Variants in CAAP1 observed in about 807,000 individuals in gnomAD.
CAAP1 encodes conserved anti-apoptotic protein.
A neutral mutation model predicts 34.0 loss-of-function variants in CAAP1; 20 were observed. That is an observed-to-expected ratio of 0.59 (90% confidence interval 0.41 to 0.86). The LOEUF is 0.86. CAAP1 is among the 40% of genes least tolerant of loss of function. CAAP1 has a pLI of 0.00. For missense variants in CAAP1, 538 were observed against 450.5 expected (o/e 1.19, Z -1.76); for synonymous variants, 213 against 166.7 (o/e 1.28, Z -2.14).
At chr9:26,849,986 C>T (rs1822707401) in intron 5 of CAAP1, among the ~76,000 whole-genome samples, 1 of 151,966 alleles carries the variant, frequency 6.6e-6, no homozygotes, top group African/African-American at 2.4e-5. Flanking sequence ...CTACAGACAC[C>T]CGCCACCAAA....
Position 26,887,307 on chromosome 9 carries a change from A to T in CAAP1, c.504+6T>A. ...TATGTATCTAGTCTGATGTGTAATG[A>T]AGTACCTTTAACACATCAGGAAGCA... On this transcript the variant is annotated splice_donor_region_variant and intron_variant, in intron 2 of 5. Coordinates refer to ENST00000333916, the MANE Select transcript of CAAP1 (RefSeq NM_024828.4). The T allele has an allele frequency of 6.5e-7, 1 of 1,544,066 alleles. No homozygotes were observed. Among genetic ancestry groups the T allele is most frequent in the Non-Finnish European group, 8.8e-7 (1 of 1,135,682 alleles).
At chr9:26,869,323 T>C (rs563691623) in intron 4 of CAAP1, among the ~76,000 whole-genome samples, 1 of 152,292 alleles carries the variant, frequency 6.6e-6, no homozygotes, top group South Asian at 2.1e-4. Context: ...AAGTAAAATA[T>C]GTAAATCTGA....
At chr9:26,845,899 T>C (rs1822589048) in intron 5 of CAAP1, among the ~76,000 whole-genome samples, 1 of 152,208 alleles carries the variant, frequency 6.6e-6, no homozygotes, top group South Asian at 2.1e-4. Context: ...GGTAGCTGGT[T>C]TGGTTTTTTT....
chr9:26,863,811 T>C (rs954741138), intron 4 of CAAP1, among the ~76,000 whole-genome samples: 2 of 151,554 alleles, frequency 1.3e-5, no homozygotes, highest in African/African-American at 4.9e-5. Context: ...TTTTCTTTTT[T>C]GAGACAGGTT....
At chr9:26,862,468 G>C (rs1171929814) in intron 4 of CAAP1, among the ~76,000 whole-genome samples, 1 of 151,658 alleles carries the variant, frequency 6.6e-6, no homozygotes, top group Non-Finnish European at 1.5e-5. Flanking sequence ...AGAGGAGGAT[G>C]GATATATGTA....
chr9:26,888,895 T>C (rs1326191416), intron 1 of CAAP1, among the ~76,000 whole-genome samples: 1 of 152,254 alleles, frequency 6.6e-6, no homozygotes, highest in Non-Finnish European at 1.5e-5. Flanking sequence ...GCGTTATCTA[T>C]ACGTATGTGG....
chr9:26,867,242 T>C (rs1265647570), intron 4 of CAAP1, among the ~76,000 whole-genome samples: 1 of 152,156 alleles, frequency 6.6e-6, no homozygotes, highest in African/African-American at 2.4e-5. Flanking sequence ...GAAGACACTG[T>C]TTCACAAGCC....
At chr9:26,871,006 A>G (rs1267734681) in intron 4 of CAAP1, among the ~76,000 whole-genome samples, 1 of 152,086 alleles carries the variant, frequency 6.6e-6, no homozygotes, top group Non-Finnish European at 1.5e-5. Context: ...AGCACAGTAA[A>G]TTTTACTCAA....
chr9:26,871,606 G>C (rs966909989), intron 4 of CAAP1, among the ~76,000 whole-genome samples: 1 of 149,462 alleles, frequency 6.7e-6, no homozygotes. Flanking sequence ...ATGGTGAGTA[G>C]CTGTGTTATA....
At chr9:26,869,965 G>C in intron 4 of CAAP1, 2 of 984,150 alleles carry the variant, frequency 2.0e-6, no homozygotes, top group Non-Finnish European at 2.4e-6. Context: ...AGCAGGATGA[G>C]GCAGTAAATT....
chr9:26,886,985 GT>G (rs564560080), intron 2 of CAAP1, among the ~76,000 whole-genome samples: 106 of 152,288 alleles, frequency 7.0e-4, no homozygotes, highest in African/African-American at 2.3e-3. Context: ...GGAGGCCAAG[GT>G]GGGCAGATCA....
intron 4 of CAAP1, among the ~76,000 whole-genome samples, chr9:26,874,178 G>C (rs541419060): frequency 7.6e-5 from 9 of 118,690 alleles, no homozygotes; most frequent in African/African-American, 3.0e-4. Context: ...CTGCACTCAA[G>C]CCTGGGCAAC....
chr9:26,884,562 T>C lies in CAAP1; in HGVS notation c.665+248A>G, dbSNP rs374414284. Reference sequence around the variant, plus strand: ...CAAATGGGAGTGATTCTGCTTCAGGTTGGCACTGCTATTGTTCTGTATCTA... The same window carrying C: ...CAAATGGGAGTGATTCTGCTTCAGGCTGGCACTGCTATTGTTCTGTATCTA... On this transcript the variant is annotated intron_variant, in intron 4 of 5. Coordinates refer to ENST00000333916, the MANE Select transcript of CAAP1 (RefSeq NM_024828.4). 2.0e-5 allele frequency among the ~76,000 whole-genome samples: 3 copies of C among 152,270 alleles called. 1 individual carries two copies. The highest frequency in any genetic ancestry group is 6.8e-3 in the Middle Eastern group (2 of 294).
intron 4 of CAAP1, among the ~76,000 whole-genome samples, chr9:26,862,834 T>C (rs1823034574): frequency 6.6e-6 from 1 of 152,110 alleles, no homozygotes; most frequent in Admixed American, 6.5e-5. Context: ...TATGGTTACA[T>C]AATAGAGTAT....
intron 1 of CAAP1, 34 bp downstream of exon 1, chr9:26,892,379 G>T: frequency 6.2e-7 from 1 of 1,600,084 alleles, no homozygotes; most frequent in Non-Finnish European, 8.5e-7. Flanking sequence ...AAAAGCAGCA[G>T]CTCCAGGAAG....
intron 4 of CAAP1, among the ~76,000 whole-genome samples, chr9:26,863,769 A>G (rs898931077): frequency 9.7e-6 from 1 of 102,870 alleles, no homozygotes; most frequent in Non-Finnish European, 2.1e-5. Context: ...CTTCCGTTTA[A>G]ATTAAAAAAA....
chr9:26,872,841 C>T (rs1372011767), intron 4 of CAAP1, among the ~76,000 whole-genome samples: 1 of 151,110 alleles, frequency 6.6e-6, no homozygotes, highest in Non-Finnish European at 1.5e-5. Flanking sequence ...AAATGTAAGG[C>T]CTATTTAGGA....
intron 1 of CAAP1, among the ~76,000 whole-genome samples, chr9:26,887,860 T>A (rs892197064): frequency 2.0e-5 from 3 of 152,196 alleles, no homozygotes; most frequent in South Asian, 2.1e-4. Flanking sequence ...GTATGCATTA[T>A]CACTGTACTT....
chr9:26,868,066 T>C (rs890768386), intron 4 of CAAP1, among the ~76,000 whole-genome samples: 1 of 152,234 alleles, frequency 6.6e-6, no homozygotes, highest in African/African-American at 2.4e-5. Flanking sequence ...ACTATTTATG[T>C]ACATACAACT....
Sources: gnomAD v4.1 joint callset for allele counts (sites outside exome capture counted in the v4.1 genomes callset) on GRCh38, gnomAD v4.1.1 for gene constraint, MANE v1.5 for transcripts, NCBI Gene and HGNC (gene_info 2026-07-23, HGNC 2026-07-21) for gene names.